Variants in CLIC5 observed in about 807,000 individuals in gnomAD.
CLIC5 encodes the protein chloride intracellular channel protein 5.
CLIC5 carries 20 observed loss-of-function variants against 24.7 expected under a neutral mutation model. The observed-to-expected ratio is 0.81, with a 90% CI of 0.57 to 1.18. CLIC5 has a LOEUF of 1.18. CLIC5 is among the 50% of genes most tolerant of loss of function. The pLI is 0.00. For synonymous variants in CLIC5, 159 were observed against 135.6 expected (o/e 1.17, Z -1.20); for missense variants, 341 against 326.1 (o/e 1.05, Z -0.35).
chr6:45,916,276 G>T (rs983084960), intron 4 of CLIC5, among the ~76,000 whole-genome samples: 3 of 152,218 alleles, frequency 2.0e-5, no homozygotes, highest in African/African-American at 7.2e-5. Context: ...GGAGAACAGA[G>T]TAAGCAGGGC....
chr6:45,926,946 C>T (rs1331554378), intron 4 of CLIC5, among the ~76,000 whole-genome samples: 1 of 152,086 alleles, frequency 6.6e-6, no homozygotes, highest in Non-Finnish European at 1.5e-5. Context: ...ATGCTAGTCA[C>T]AGAACATCAT....
Position 45,902,968 on chromosome 6 carries a change from G to A in CLIC5, c.*120C>T. 1 of 1,099,092 alleles carries A rather than the reference G, an allele frequency of 9.1e-7. No individual in the cohort carries two copies. The highest frequency in any genetic ancestry group is 1.6e-5 in the African/African-American group (1 of 64,136). The allele number at this position is 1,099,092 out of a possible 1,614,324, so 68.1% of individuals were successfully genotyped here. On this transcript the variant is annotated 3_prime_UTR_variant, in exon 6 of 6. Transcript: ENST00000339561. ...GCTGGAGTTCCCATGATACCAGCAA[G>A]ATGAGGCTTGATTATAAAAAGTGCG...
At chr6:46,128,501 C>T in the CLIC5 span, among the ~76,000 whole-genome samples, 1 of 152,184 alleles carries the variant, frequency 6.6e-6, no homozygotes, top group African/African-American at 2.4e-5. Flanking sequence ...GACTATTGTT[C>T]AAATTGGGGT....
chr6:45,914,205 C>T, intron 5 of CLIC5, 23 bp downstream of exon 5: 3 of 1,522,724 alleles, frequency 2.0e-6, no homozygotes, highest in South Asian at 2.6e-5. Flanking sequence ...TCTTGCAGGC[C>T]CCTGTGGGTA....
At chr6:46,028,982 C>A (rs1767422623) in intron 1 of CLIC5, among the ~76,000 whole-genome samples, 1 of 152,188 alleles carries the variant, frequency 6.6e-6, no homozygotes, top group Non-Finnish European at 1.5e-5. Context: ...CTCCCCCACC[C>A]CCACTAACCC....
At chr6:45,926,822 G>T (rs564458171) in intron 4 of CLIC5, among the ~76,000 whole-genome samples, 1 of 152,300 alleles carries the variant, frequency 6.6e-6, no homozygotes, top group Non-Finnish European at 1.5e-5. Context: ...GAGGAGAGCT[G>T]CTCAGGTTCT....
intron 6 of CLIC5, among the ~76,000 whole-genome samples, chr6:45,885,149 A>C (rs1341096872): frequency 6.6e-6 from 1 of 152,136 alleles, no homozygotes; most frequent in Non-Finnish European, 1.5e-5. Context: ...TCCAAAGTCC[A>C]ATGTGATGGT....
intron 1 of CLIC5, among the ~76,000 whole-genome samples, chr6:45,993,094 A>G (rs1259508486): frequency 6.6e-6 from 1 of 152,254 alleles, no homozygotes; most frequent in African/African-American, 2.4e-5. Flanking sequence ...GCTAGCAATT[A>G]GAAAACTGGA....
intron 1 of CLIC5, among the ~76,000 whole-genome samples, chr6:45,977,645 C>G (rs1765429038): frequency 6.6e-6 from 1 of 152,078 alleles, no homozygotes; most frequent in South Asian, 2.1e-4. Context: ...CCCTGCCTCC[C>G]CTCCCCTCTA....
rs574103471 is a variant in CLIC5 at position 45,999,706 on chromosome 6, A to AGTAAATC, written c.63+15767_63+15773dup. ...GATGACCCACTCCCACTTAATGAAT[A>AGTAAATC]GTAAATCTATTTTCTCTTCCTTGTG... On this transcript the variant is annotated intron_variant, in intron 1 of 5. Coordinates refer to ENST00000339561, the MANE Select transcript of CLIC5 (RefSeq NM_016929.5). Among the ~76,000 whole-genome samples, 172 of 150,228 alleles carry AGTAAATC rather than the reference A, an allele frequency of 1.1e-3. 7 individuals carry two copies. The highest frequency in any genetic ancestry group is 3.7e-3 in the African/African-American group (148 of 40,546).
At chr6:45,936,920 G>C (rs1220357183) in intron 4 of CLIC5, among the ~76,000 whole-genome samples, 1 of 152,128 alleles carries the variant, frequency 6.6e-6, no homozygotes, top group African/African-American at 2.4e-5. Flanking sequence ...GTGAAGAGCA[G>C]GTTGGAAAGA....
At chr6:45,886,633 A>G (rs1406567991) in intron 6 of CLIC5, among the ~76,000 whole-genome samples, 1 of 152,158 alleles carries the variant, frequency 6.6e-6, no homozygotes, top group African/African-American at 2.4e-5. Flanking sequence ...AGGAAATCTG[A>G]AGGAAGAAAC....
chr6:45,881,625 C>T (rs991492184), intron 6 of CLIC5, among the ~76,000 whole-genome samples: 3 of 152,140 alleles, frequency 2.0e-5, no homozygotes, highest in African/African-American at 7.2e-5. Flanking sequence ...ACCAGAAATA[C>T]CTTTCCCTTT....
intron 1 of CLIC5, among the ~76,000 whole-genome samples, chr6:46,058,264 A>G (rs1368604523): frequency 6.6e-6 from 1 of 152,228 alleles, no homozygotes; most frequent in African/African-American, 2.4e-5. Context: ...CTTAATGATA[A>G]GAAGATTTAG....
At chr6:45,992,874 T>TAA (rs1283597584) in intron 1 of CLIC5, among the ~76,000 whole-genome samples, 1 of 152,226 alleles carries the variant, frequency 6.6e-6, no homozygotes, top group Non-Finnish European at 1.5e-5. Context: ...TTTGGGGTGA[T>TAA]AATTACCCCC....
At chr6:46,090,933 T>A in the CLIC5 span, among the ~76,000 whole-genome samples, 697 of 152,308 alleles carry the variant, frequency 4.6e-3, 5 homozygotes, top group African/African-American at 0.016. Context: ...TTCAAACTTG[T>A]GATCAAATAA....
intron 1 of CLIC5, among the ~76,000 whole-genome samples, chr6:46,002,498 C>CT (rs1491515536): frequency 2.0e-5 from 3 of 151,992 alleles, no homozygotes; most frequent in Non-Finnish European, 4.4e-5. Flanking sequence ...AACAGGTACA[C>CT]TTTTTTTTCC....
Position 45,992,619 on chromosome 6 carries a change from T to C in CLIC5, c.63+22861A>G, listed in dbSNP as rs1765982733. The stretch of plus-strand genomic sequence containing the variant: ...TATGCATGGGTGGCCTGTATGTGAA[T>C]GCAGAAATACCTGTGTATTTACACT... On this transcript the variant is annotated intron_variant, in intron 1 of 5. Coordinates refer to ENST00000339561, the MANE Select transcript of CLIC5 (RefSeq NM_016929.5). Among the ~76,000 whole-genome samples the C allele has an allele frequency of 3.3e-5, 5 of 152,300 alleles. No individual in the cohort carries two copies. In the South Asian group the frequency reaches 1.0e-3, roughly 32 times the overall value.
chr6:45,958,022 A>G (rs1214138981), intron 1 of CLIC5, among the ~76,000 whole-genome samples: 2 of 152,028 alleles, frequency 1.3e-5, no homozygotes, highest in Non-Finnish European at 2.9e-5. Flanking sequence ...CCCCAAATTC[A>G]TGTCCCCCTG....
Sources: gnomAD v4.1 joint callset for allele counts (sites outside exome capture counted in the v4.1 genomes callset) on GRCh38, gnomAD v4.1.1 for gene constraint, MANE v1.5 for transcripts, NCBI Gene and HGNC (gene_info 2026-07-23, HGNC 2026-07-21) for gene names.